Variants in MYO3A observed in about 807,000 individuals in gnomAD.
MYO3A encodes myosin-IIIa.
A neutral mutation model predicts 192.7 loss-of-function variants in MYO3A; 180 were observed. The observed-to-expected ratio is 0.93, with a 90% CI of 0.83 to 1.06. The LOEUF (loss-of-function observed/expected upper bound fraction) is 1.06. MYO3A is among the 50% of genes least tolerant of loss of function. MYO3A has a pLI of 0.00. For synonymous variants in MYO3A, 628 were observed against 645.3 expected, an observed-to-expected ratio of 0.97 and a Z score of 0.41; for missense variants, 1,896 against 1,905.0, an observed-to-expected ratio of 1.00 and a Z score of 0.09.
chr10:26,024,013 T>C lies in MYO3A; in HGVS notation c.732-9T>C. On this transcript the variant is annotated splice_polypyrimidine_tract_variant and intron_variant, in intron 8 of 34. Coordinates refer to ENST00000642920, the MANE Select transcript of MYO3A (RefSeq NM_017433.5). ...ATACAGAATCCAACATTGATTCTTA[T>C]TTTTCTAGGAATCCACCCCCAAAAC... The C allele has an allele frequency of 6.2e-7, 1 of 1,610,736 alleles. No homozygotes were observed. Among genetic ancestry groups the C allele is most frequent in the Non-Finnish European group, 8.5e-7 (1 of 1,177,186 alleles).
Position 26,088,339 on chromosome 10 carries a change from G to C in MYO3A, c.1496G>C (p.Gly499Ala). The C allele has an allele frequency of 6.2e-7, 1 of 1,613,938 alleles. No homozygotes were observed. The highest frequency in any genetic ancestry group is 8.5e-7 in the Non-Finnish European group (1 of 1,179,912). Residue 499 changes from glycine to alanine, a missense_variant, in exon 15 of 35, where the codon GGA (glycine) becomes GCA (alanine). Physicochemically the swap from Gly to Ala is moderately conservative, Grantham distance 60. Transcript: ENST00000642920. ...KYLEMKFTSS[G>A]AVVGAQISEY... Reference sequence around the variant, plus strand: ...TTAGAAATGAAATTCACCTCTTCTGGAGCGGTAGTGGGAGCACAGATTTCT... The same window carrying C: ...TTAGAAATGAAATTCACCTCTTCTGCAGCGGTAGTGGGAGCACAGATTTCT...
intron 6 of MYO3A, among the ~76,000 whole-genome samples, chr10:26,013,781 C>A (rs61166114): frequency 0.018 from 2,748 of 152,098 alleles, 95 homozygotes; most frequent in African/African-American, 0.062. Flanking sequence ...GATATCTACC[C>A]AAAGGAAAAG....
At chr10:26,066,856 C>A (rs1002787562) in intron 10 of MYO3A, 119 bp from the exon 11 acceptor site, 3 of 701,616 alleles carry the variant, frequency 4.3e-6, no homozygotes, top group Non-Finnish European at 7.6e-6. Flanking sequence ...TTTCTGGTAT[C>A]TTATCATTGA....
intron 34 of MYO3A, among the ~76,000 whole-genome samples, chr10:26,208,330 A>G (rs1004137864): frequency 6.6e-6 from 1 of 152,190 alleles, no homozygotes; most frequent in African/African-American, 2.4e-5. Flanking sequence ...CAGTTAAGAG[A>G]CAGGAGAATT....
chr10:25,957,831 C>T (rs1430401133), intron 4 of MYO3A, among the ~76,000 whole-genome samples: 1 of 152,170 alleles, frequency 6.6e-6, no homozygotes, highest in Non-Finnish European at 1.5e-5. Flanking sequence ...ATTTTCATAT[C>T]TCTAATGATC....
At chr10:26,009,756 G>A (rs1841502764) in intron 6 of MYO3A, among the ~76,000 whole-genome samples, 1 of 152,186 alleles carries the variant, frequency 6.6e-6, no homozygotes. Flanking sequence ...TGACTTCTTT[G>A]CTTCTCAGTC....
intron 14 of MYO3A, among the ~76,000 whole-genome samples, chr10:26,087,160 T>C (rs1483551160): frequency 6.6e-6 from 1 of 152,230 alleles, no homozygotes; most frequent in Non-Finnish European, 1.5e-5. Context: ...TATATGCCAA[T>C]GAAAATGTTA....
chr10:26,142,832 T>C (rs1014815602), intron 20 of MYO3A, among the ~76,000 whole-genome samples: 8 of 152,210 alleles, frequency 5.3e-5, no homozygotes, highest in Non-Finnish European at 8.8e-5. Flanking sequence ...AAGATGTATC[T>C]AGTTAAATAT....
At chr10:25,963,909 G>T (rs190712541) in intron 4 of MYO3A, among the ~76,000 whole-genome samples, 1 of 152,060 alleles carries the variant, frequency 6.6e-6, no homozygotes, top group East Asian at 1.9e-4. Flanking sequence ...CTTCAGTGCC[G>T]GAAAAAGCAT....
intron 14 of MYO3A, among the ~76,000 whole-genome samples, chr10:26,076,561 A>G (rs959347882): frequency 6.6e-6 from 1 of 152,130 alleles, no homozygotes; most frequent in Admixed American, 6.5e-5. Flanking sequence ...GTTCTTGGTC[A>G]TGAAATCCTT....
intron 6 of MYO3A, among the ~76,000 whole-genome samples, chr10:26,005,689 G>GTA (rs1206982965): frequency 1.3e-5 from 2 of 151,926 alleles, no homozygotes; most frequent in African/African-American, 2.4e-5. Flanking sequence ...GTGTATATGT[G>GTA]TATATATATG....
At chr10:25,963,631 C>G (rs1286610458) in intron 4 of MYO3A, among the ~76,000 whole-genome samples, 2 of 152,112 alleles carry the variant, frequency 1.3e-5, no homozygotes, top group Admixed American at 6.6e-5. Context: ...TTTGGCAGTT[C>G]ACAATTGCAG....
At chr10:26,092,405 G>A (rs753848572) in intron 15 of MYO3A, among the ~76,000 whole-genome samples, 1 of 151,920 alleles carries the variant, frequency 6.6e-6, no homozygotes, top group African/African-American at 2.4e-5. Context: ...GGCAGAGCTT[G>A]CAGTGAGCCA....
intron 2 of MYO3A, among the ~76,000 whole-genome samples, chr10:25,946,520 CTTT>C (rs35754342): frequency 7.0e-6 from 1 of 142,216 alleles, no homozygotes; most frequent in African/African-American, 2.6e-5. Flanking sequence ...TTAAGTTTCC[CTTT>C]TTTTTTTTTT....
chr10:26,157,310 T>A lies in MYO3A; in HGVS notation c.2794T>A (p.Tyr932Asn). The A allele has an allele frequency of 1.2e-6, 2 of 1,613,928 alleles. No homozygotes were observed. Among genetic ancestry groups the A allele is most frequent in the South Asian group, 2.2e-5 (2 of 91,080 alleles). ...KTQTVASYFR[Y>N]SLMDLLSKMV... ...AATTTATTTTTGTTGTGTATTATAGTATTCCCTGATGGATTTGTTGTCTAA... is the reference window on the plus strand; with the variant it reads ...AATTTATTTTTGTTGTGTATTATAGAATTCCCTGATGGATTTGTTGTCTAA... Residue 932 changes from tyrosine to asparagine, a missense_variant and splice_region_variant, in exon 26 of 35, where the codon TAT (tyrosine) becomes AAT (asparagine). Transcript: ENST00000642920.
chr10:26,005,507 T>C (rs1841135187), intron 6 of MYO3A, among the ~76,000 whole-genome samples: 1 of 152,174 alleles, frequency 6.6e-6, no homozygotes, highest in Non-Finnish European at 1.5e-5. Flanking sequence ...TGTATCAGCA[T>C]TAAAATTCCT....
chr10:26,100,631 T>A (rs1482364151), intron 17 of MYO3A, among the ~76,000 whole-genome samples: 1 of 151,770 alleles, frequency 6.6e-6, no homozygotes, highest in Non-Finnish European at 1.5e-5. Context: ...TTTCATTTAT[T>A]TCTGCCTTCA....
intron 14 of MYO3A, among the ~76,000 whole-genome samples, chr10:26,074,800 A>G (rs1049628347): frequency 6.6e-6 from 1 of 151,850 alleles, no homozygotes; most frequent in African/African-American, 2.4e-5. Context: ...TGTGATATCC[A>G]AAAAATCATT....
At chr10:25,996,412 T>C (rs1209645249) in intron 4 of MYO3A, 78 bp from the exon 5 acceptor site, 1 of 1,174,230 alleles carries the variant, frequency 8.5e-7, no homozygotes, top group East Asian at 2.4e-5. Context: ...CTTTTAAAAA[T>C]GTCTTGGAAG....
Sources: allele counts gnomAD v4.1 joint callset (sites outside exome capture counted in the v4.1 genomes callset), GRCh38; gene constraint gnomAD v4.1.1; transcripts MANE v1.5; gene names NCBI Gene and HGNC (gene_info 2026-07-23, HGNC 2026-07-21).